NAV1: variants seen among roughly 807,000 people sequenced by gnomAD.
The protein encoded by NAV1 is neuron navigator 1, also known as pore membrane and/or filament interacting like protein 3.
Under a neutral mutation model 175.2 loss-of-function variants are expected in NAV1, and 18 were observed. That is an observed-to-expected ratio of 0.10 (90% CI 0.07 to 0.15). The LOEUF (loss-of-function observed/expected upper bound fraction) is 0.15. Ranked by LOEUF, NAV1 falls within the 10% of genes least tolerant of loss-of-function variation. The probability of loss-of-function intolerance (pLI) is 1.00; values close to 1 mark genes in which losing one functional copy is unlikely to be tolerated. For synonymous variants in NAV1, 897 were observed against 978.7 expected (o/e 0.92, Z 1.56); for missense variants, 1,731 against 2,436.6 (o/e 0.71, Z 6.10).
intron 2 of NAV1, among the ~76,000 whole-genome samples, chr1:201,612,860 T>C (rs1367590914): frequency 3.3e-5 from 5 of 152,114 alleles, no homozygotes; most frequent in Non-Finnish European, 5.9e-5. Context: ...TGTGTGTGTG[T>C]GTGTCACTAT....
intron 3 of NAV1, among the ~76,000 whole-genome samples, chr1:201,726,397 A>T (rs934925482): frequency 6.6e-6 from 1 of 152,172 alleles, no homozygotes; most frequent in African/African-American, 2.4e-5. Context: ...TAATCCCAGC[A>T]CTTTGGGAGG....
intron 1 of NAV1, among the ~76,000 whole-genome samples, chr1:201,627,632 G>A (rs1571852320): frequency 1.3e-5 from 2 of 151,094 alleles, no homozygotes; most frequent in Admixed American, 1.3e-4. Context: ...CCCAGACGCT[G>A]TGCTTAGCTC....
chr1:201,756,758 G>A (rs954239083), intron 3 of NAV1, among the ~76,000 whole-genome samples: 1 of 151,942 alleles, frequency 6.6e-6, no homozygotes, highest in African/African-American at 2.4e-5. Flanking sequence ...TCCTTCTCCA[G>A]GTGTCTGGAA....
chr1:201,824,001 G>A (rs1679531589), exon 30 of NAV1: 1 of 151,898 alleles, frequency 6.6e-6, no homozygotes, highest in African/African-American at 2.4e-5. Flanking sequence ...CCTGACTGAA[G>A]GGGACTCAGT....
intron 1 of NAV1, among the ~76,000 whole-genome samples, chr1:201,701,254 G>A (rs1245684353): frequency 6.9e-6 from 1 of 145,786 alleles, no homozygotes; most frequent in Non-Finnish European, 1.5e-5. Flanking sequence ...ACACATGGGG[G>A]CCTGTTGTGG....
At chr1:201,655,899 A>T (rs1433343808) in intron 1 of NAV1, among the ~76,000 whole-genome samples, 1 of 151,548 alleles carries the variant, frequency 6.6e-6, no homozygotes, top group African/African-American at 2.4e-5. Flanking sequence ...GGTGTGTTGC[A>T]TAGGTGGGAA....
At chr1:201,611,553 C>G (rs1395526866) in intron 2 of NAV1, among the ~76,000 whole-genome samples, 2 of 152,218 alleles carry the variant, frequency 1.3e-5, no homozygotes, top group Non-Finnish European at 2.9e-5. Context: ...GGAGTCACCC[C>G]AGGCTCTCCT....
intron 1 of NAV1, among the ~76,000 whole-genome samples, chr1:201,702,676 CTCTCTCT>C (rs767425740): frequency 0.22 from 28,224 of 125,470 alleles, 6,145 homozygotes; most frequent in Middle Eastern, 0.35. Context: ...TGTGAATTCT[CTCTCTCT>C]CTCTCTCTCT....
chr1:201,738,785 G>A (rs1673225256), intron 3 of NAV1, among the ~76,000 whole-genome samples: 1 of 152,196 alleles, frequency 6.6e-6, no homozygotes, highest in African/African-American at 2.4e-5. Flanking sequence ...GTGGTCCCAA[G>A]TCATCTTAGT....
chr1:201,566,022 T>A (rs1032000814), intron 1 of NAV1, among the ~76,000 whole-genome samples: 7 of 152,164 alleles, frequency 4.6e-5, no homozygotes, highest in Non-Finnish European at 1.0e-4. Flanking sequence ...TTCTTTCAGA[T>A]CCTGGCTGCT....
At chr1:201,559,611 T>C (rs997440512) in intron 1 of NAV1, among the ~76,000 whole-genome samples, 3 of 151,928 alleles carry the variant, frequency 2.0e-5, no homozygotes, top group African/African-American at 7.3e-5. Context: ...GGAAGGCCTG[T>C]TAGCCCAGAG....
At chr1:201,679,191 T>C (rs1414613805) in intron 1 of NAV1, among the ~76,000 whole-genome samples, 1 of 152,140 alleles carries the variant, frequency 6.6e-6, no homozygotes, top group Non-Finnish European at 1.5e-5. Context: ...AAAGCACCTT[T>C]CTCTTCACAA....
At position 201,764,597 on chromosome 1, in the gene NAV1, T is replaced by TG. The variant is rs541030343; in HGVS notation, c.1227-15818dup. 1.7e-3 allele frequency among the ~76,000 whole-genome samples: 258 copies of TG among 152,198 alleles called. 2 individuals are homozygous for TG. Among genetic ancestry groups the TG allele is most frequent in the African/African-American group, 5.8e-3 (241 of 41,516 alleles). ...GAGTTACAGCTGTAACACATACACT[T>TG]GGGGGGAACATAATTTATTCCATAA... On this transcript the variant is annotated intron_variant, in intron 3 of 29. Coordinates refer to ENST00000367296, the Ensembl canonical transcript of NAV1.
At chr1:201,669,695 G>A (rs1310390722) in intron 1 of NAV1, among the ~76,000 whole-genome samples, 5 of 152,234 alleles carry the variant, frequency 3.3e-5, no homozygotes, top group African/African-American at 1.2e-4. Context: ...ACTAGAAGCT[G>A]TTAGAGCCAT....
chr1:201,820,173 C>T, exon 30 of NAV1: 1 of 433,938 alleles, frequency 2.3e-6, no homozygotes, highest in Non-Finnish European at 4.1e-6. Flanking sequence ...TACTGGCCTC[C>T]TCTAATGACT....
At chr1:201,809,325 A>G in intron 21 of NAV1, 64 bp downstream of exon 25, 3 of 1,599,554 alleles carry the variant, frequency 1.9e-6, no homozygotes, top group Middle Eastern at 1.7e-4. Context: ...ATCCAAGAAA[A>G]TCTGGACCCT....
intron 29 of NAV1, among the ~76,000 whole-genome samples, chr1:201,818,476 C>T (rs933205114): frequency 4.0e-5 from 6 of 150,108 alleles, no homozygotes; most frequent in South Asian, 2.1e-4. Context: ...TGCAGTGAGC[C>T]GAGATCACGC....
At position 201,539,725 on chromosome 1, in the gene NAV1, C is replaced by G. The variant is rs1209896263; in HGVS notation, c.-144+383C>G. On this transcript the variant is annotated intron_variant, in intron 1 of 33. Transcript: ENST00000685211. This position sits in a 1 kb window ranked among gnomAD's most constrained non-coding sequence, Gnocchi z 5.6. ...ACACCAGGTGCTGCGTTCTTATACT[C>G]GCACCCACACGGCAAGCACACACCC... 6.6e-6 allele frequency among the ~76,000 whole-genome samples: 1 copy of G among 152,152 alleles called. No individual in the cohort carries two copies. Among genetic ancestry groups the G allele is most frequent in the Non-Finnish European group, 1.5e-5 (1 of 68,020 alleles).
rs191754663 is a variant in NAV1, at chr1:201,729,733, C to T, written c.1226+10978C>T. 1.5e-4 allele frequency among the ~76,000 whole-genome samples: 23 copies of T among 152,020 alleles called. No individual in the cohort carries two copies. The South Asian group carries it at 2.3e-3, about 15-fold the overall frequency. ...CATCCTGGCTAACACGGTGAAACCCCGTCTCTACTAAAAATACAAAAAATT... is the reference window on the plus strand; with the variant it reads ...CATCCTGGCTAACACGGTGAAACCCTGTCTCTACTAAAAATACAAAAAATT... On this transcript the variant is annotated intron_variant, in intron 3 of 29. Transcript: ENST00000367296.
Sources: gnomAD v4.1 joint callset for allele counts (sites outside exome capture counted in the v4.1 genomes callset) on GRCh38, gnomAD v4.1.1 for gene constraint, Gnocchi (gnomAD v3.1) non-coding constraint, MANE v1.5 for transcripts, NCBI Gene and HGNC (gene_info 2026-07-23, HGNC 2026-07-21) for gene names.